The following ARHGAP25 variants were observed in gnomAD, a reference collection of about 807,000 sequenced individuals.
The protein encoded by ARHGAP25 is rho GTPase-activating protein 25.
In ARHGAP25, 34 loss-of-function variants were observed where a neutral mutation model predicts 71.0. That is an observed-to-expected ratio of 0.48 (90% CI 0.36 to 0.64). The LOEUF is 0.64. Ranked by LOEUF, ARHGAP25 falls within the 30% of genes least tolerant of loss-of-function variation. ARHGAP25 has a pLI of 0.00. For synonymous variants in ARHGAP25, 282 were observed against 296.5 expected, an observed-to-expected ratio of 0.95 and a Z score of 0.50; for missense variants, 706 against 805.1, an observed-to-expected ratio of 0.88 and a Z score of 1.49.
rs1449229101 is a variant in ARHGAP25 at position 68,816,423 on chromosome 2, TAGAAGAGGAGGG to T, written c.881+63_881+74del. 43 of 1,393,628 alleles carry T rather than the reference TAGAAGAGGAGGG, an allele frequency of 3.1e-5. No homozygotes were observed. The East Asian group carries it at 8.7e-4, about 28-fold the overall frequency. 86.3% of individuals were successfully genotyped at this position (1,393,628 alleles called of 1,614,324 possible). ...ACCCCATCAGAAAGAAGCTCCTAGT[TAGAAGAGGAGGG>T]ACCACGTCTGTGAACAGAGAGATTC... On this transcript the variant is annotated intron_variant, in intron 7 of 10. Coordinates refer to ENST00000409202, the MANE Select transcript of ARHGAP25 (RefSeq NM_001007231.3).
chr2:68,731,714 C>T (rs940008745), upstream of ARHGAP25, among the ~76,000 whole-genome samples: 2 of 152,010 alleles, frequency 1.3e-5, no homozygotes, highest in African/African-American at 4.8e-5. Flanking sequence ...TTCCAACCCC[C>T]TTGCCTCCCT....
chr2:68,820,763 T>A (rs923674882), intron 9 of ARHGAP25, among the ~76,000 whole-genome samples: 1 of 151,464 alleles, frequency 6.6e-6, no homozygotes, highest in Non-Finnish European at 1.5e-5. Flanking sequence ...TGCCTTAGTT[T>A]CTTATTTATC....
In ARHGAP25 at chr2:68,735,165, C is replaced by A. The variant is rs374622782; in HGVS notation, c.-35C>A. 2.6e-5 allele frequency: 41 copies of A among 1,575,196 alleles called. No individual in the cohort carries two copies. Among genetic ancestry groups the A allele is most frequent in the Non-Finnish European group, 3.6e-5 (41 of 1,144,796 alleles). The stretch of plus-strand genomic sequence containing the variant: ...AGGGCGCAAACTGTGACAGACTCAC[C>A]GCTTCACTAACTACTCACTTAAACT... On this transcript the variant is annotated 5_prime_UTR_variant, in exon 1 of 11. Transcript: ENST00000409202.
At chr2:68,772,703 A>G (rs1028498763) in intron 1 of ARHGAP25, among the ~76,000 whole-genome samples, 1 of 152,172 alleles carries the variant, frequency 6.6e-6, no homozygotes, top group African/African-American at 2.4e-5. Flanking sequence ...TTCTGCCAAA[A>G]TCTTTCTGTA....
chr2:68,813,116 G>A (rs1318430280), intron 5 of ARHGAP25, among the ~76,000 whole-genome samples, 171 bp from the exon 6 acceptor site: 2 of 152,138 alleles, frequency 1.3e-5, no homozygotes, highest in African/African-American at 2.4e-5. Context: ...TTCCAGAAGG[G>A]CGAATTAACA....
rs1429922180 is a variant in ARHGAP25 at position 68,767,489 on chromosome 2, T to C, written c.62-7732T>C. 6.6e-6 allele frequency among the ~76,000 whole-genome samples: 1 copy of C among 152,060 alleles called. No individual in the cohort carries two copies. The highest frequency in any genetic ancestry group is 2.4e-5 in the African/African-American group (1 of 41,382). ...GGGCAGGGACGTATGAATCTGTTTA[T>C]CATTTTCAGGTGGTAGCAATGCCAG... On this transcript the variant is annotated intron_variant, in intron 1 of 10. Transcript: ENST00000409202. This position sits in a 1 kb window ranked among gnomAD's most constrained non-coding sequence, Gnocchi z 4.6.
At chr2:68,771,974 C>T (rs1218125750) in intron 1 of ARHGAP25, among the ~76,000 whole-genome samples, 2 of 152,238 alleles carry the variant, frequency 1.3e-5, no homozygotes, top group Non-Finnish European at 2.9e-5. Context: ...GGTCTGGGAA[C>T]ATAAGATCCT....
At chr2:68,720,778 G>C (rs1391539431) in intron 2 of ARHGAP25, among the ~76,000 whole-genome samples, 1 of 152,120 alleles carries the variant, frequency 6.6e-6, no homozygotes, top group African/African-American at 2.4e-5. Flanking sequence ...CACCTGGGGA[G>C]TCTAAGCTGA....
chr2:68,782,404 T>C, intron 3 of ARHGAP25, 84 bp downstream of exon 3: 3 of 1,280,122 alleles, frequency 2.3e-6, no homozygotes, highest in Non-Finnish European at 3.4e-6. Flanking sequence ...CAAAGCTATA[T>C]TCGGAGAGTA....
intron 2 of ARHGAP25, chr2:68,775,879 T>A (rs1677860440): frequency 3.0e-6 from 1 of 336,814 alleles, no homozygotes; most frequent in Non-Finnish European, 5.8e-6. Flanking sequence ...GCTTAGAATG[T>A]GGAGGAAAAG....
At chr2:68,792,523 G>C (rs978010875) in intron 4 of ARHGAP25, among the ~76,000 whole-genome samples, 2 of 152,150 alleles carry the variant, frequency 1.3e-5, no homozygotes, top group Non-Finnish European at 2.9e-5. Flanking sequence ...TTCTGTGTCT[G>C]CCTTGTTTCA....
chr2:68,779,986 T>G (rs1678204908), intron 2 of ARHGAP25, among the ~76,000 whole-genome samples: 1 of 152,276 alleles, frequency 6.6e-6, no homozygotes, highest in African/African-American at 2.4e-5. Context: ...GTGGGACTTG[T>G]AAGTAAAGCC....
intron 7 of ARHGAP25, 22 bp from the exon 8 acceptor site, chr2:68,817,851 G>T: frequency 6.2e-7 from 1 of 1,612,904 alleles, no homozygotes; most frequent in Non-Finnish European, 8.5e-7. Flanking sequence ...TTTCTACCAT[G>T]GGATTTCTTG....
intron 2 of ARHGAP25, 169 bp downstream of exon 2, chr2:68,775,589 T>A (rs1002978458): frequency 9.4e-7 from 1 of 1,066,756 alleles, no homozygotes; most frequent in African/African-American, 1.6e-5. Context: ...TAAACTGAGT[T>A]GCAAAGATGA....
At chr2:68,809,088 G>A (rs1374377439) in intron 5 of ARHGAP25, among the ~76,000 whole-genome samples, 3 of 152,146 alleles carry the variant, frequency 2.0e-5, no homozygotes, top group Non-Finnish European at 2.9e-5. Flanking sequence ...TGGGAGGTAT[G>A]ACTGACTCTT....
chr2:68,724,802 C>T (rs953295497), intron 2 of ARHGAP25, among the ~76,000 whole-genome samples: 5 of 152,144 alleles, frequency 3.3e-5, no homozygotes, highest in African/African-American at 7.2e-5. Context: ...TTTCTCAGGC[C>T]GTGCTCGACC....
chr2:68,795,695 C>G (rs1172223204), intron 4 of ARHGAP25, among the ~76,000 whole-genome samples: 1 of 152,058 alleles, frequency 6.6e-6, no homozygotes, highest in Admixed American at 6.5e-5. Context: ...TATGGCCTGT[C>G]TTGGAGACTG....
At chr2:68,754,703 A>G (rs1676377576) in intron 1 of ARHGAP25, among the ~76,000 whole-genome samples, 1 of 152,226 alleles carries the variant, frequency 6.6e-6, no homozygotes, top group South Asian at 2.1e-4. Context: ...CCTACTGGCC[A>G]TGTATAGAAA....
Position 68,826,602 on chromosome 2 carries a change from CAG to C in ARHGAP25, c.*409_*410del, listed in dbSNP as rs1353602337. 5 of 327,222 alleles carry C rather than the reference CAG, an allele frequency of 1.5e-5. No individual in the cohort carries two copies. The highest frequency in any genetic ancestry group is 4.3e-5 in the African/African-American group (2 of 46,294). 20.3% of individuals were successfully genotyped at this position (327,222 alleles called of 1,614,324 possible). A position where few individuals can be genotyped will look rare whatever the true frequency, so the allele number is the denominator to read the frequency against. On this transcript the variant is annotated 3_prime_UTR_variant, in exon 11 of 11. Coordinates refer to ENST00000409202, the MANE Select transcript of ARHGAP25 (RefSeq NM_001007231.3). ...ACAGCCTCAGGGCATCTCTGAGACA[CAG>C]GGGCAGAAAATGACATTCATCTTTT...
Sources: allele counts gnomAD v4.1 joint callset (sites outside exome capture counted in the v4.1 genomes callset), GRCh38; gene constraint gnomAD v4.1.1; non-coding constraint Gnocchi (gnomAD v3.1); transcripts MANE v1.5; gene names NCBI Gene and HGNC (gene_info 2026-07-23, HGNC 2026-07-21).